Variants in ELL observed in about 807,000 individuals in gnomAD.
ELL encodes RNA polymerase II elongation factor ELL.
In ELL, 18 loss-of-function variants were observed where a neutral mutation model predicts 64.0. The observed-to-expected ratio is 0.28, with a 90% CI of 0.19 to 0.42. The LOEUF (loss-of-function observed/expected upper bound fraction) is 0.42, where lower values mean the gene tolerates loss of function less well. Ranked by LOEUF, ELL falls within the 10% of genes least tolerant of loss-of-function variation. The probability of loss-of-function intolerance (pLI) is 1.00; values close to 1 mark genes in which losing one functional copy is unlikely to be tolerated. For missense variants in ELL, 797 were observed against 870.4 expected (o/e 0.92, Z 1.06); for synonymous variants, 399 against 376.2 (o/e 1.06, Z -0.70).
At chr19:18,457,213 A>C (rs1305080680) in intron 6 of ELL, among the ~76,000 whole-genome samples, 2 of 152,112 alleles carry the variant, frequency 1.3e-5, no homozygotes, top group Non-Finnish European at 2.9e-5. Flanking sequence ...CATCCCGGGG[A>C]AGCTCCCCGA....
intron 1 of ELL, among the ~76,000 whole-genome samples, chr19:18,519,825 GAAA>G (rs1976220371): frequency 2.6e-5 from 2 of 77,564 alleles, no homozygotes; most frequent in Non-Finnish European, 4.7e-5. Flanking sequence ...AAAAAAAAAA[GAAA>G]GAAAGAAAGA....
chr19:18,474,847 G>T (rs532889956), intron 1 of ELL, among the ~76,000 whole-genome samples: 30 of 152,348 alleles, frequency 2.0e-4, no homozygotes, highest in African/African-American at 7.0e-4. Context: ...GGTTAAACAG[G>T]CCAGGTGGTT....
chr19:18,466,302 G>T (rs766223207), intron 2 of ELL, among the ~76,000 whole-genome samples: 2 of 152,198 alleles, frequency 1.3e-5, no homozygotes, highest in Non-Finnish European at 2.9e-5. Context: ...GGACAGACCT[G>T]GCCTGCGACA....
At chr19:18,476,151 G>A (rs1975170353) in intron 1 of ELL, among the ~76,000 whole-genome samples, 1 of 152,218 alleles carries the variant, frequency 6.6e-6, no homozygotes, top group South Asian at 2.1e-4. Flanking sequence ...TATTCTGGAG[G>A]AGGGAGCAGC....
chr19:18,455,873 C>T (rs947008289), intron 6 of ELL, among the ~76,000 whole-genome samples: 15 of 151,958 alleles, frequency 9.9e-5, no homozygotes, highest in Admixed American at 2.6e-4. Context: ...CTGAGGTGGG[C>T]GGATCACCTG....
chr19:18,454,354 C>G (rs1407722410), intron 6 of ELL, among the ~76,000 whole-genome samples: 1 of 152,060 alleles, frequency 6.6e-6, no homozygotes, highest in Admixed American at 6.6e-5. Flanking sequence ...AAAAAATTAG[C>G]CGGGCATGGT....
Position 18,521,947 on chromosome 19 carries a change from C to G in ELL, c.109G>C (p.Ala37Pro). The G allele has an allele frequency of 6.2e-7, 1 of 1,607,786 alleles. No individual in the cohort carries two copies. The highest frequency in any genetic ancestry group is 8.5e-7 in the Non-Finnish European group (1 of 1,177,174). Reference protein sequence around the residue: ...HVKLTDSALRAFESYRARQDS... With the variant: ...HVKLTDSALRPFESYRARQDS... ...TGTCTGGCGCGGTAGCTCTCGAAGG[C>G]CCTCAGGGCACTGTCGGTGAGCTTC... is the stretch of plus-strand genomic sequence containing the variant. Residue 37 changes from alanine to proline, a missense_variant, in exon 1 of 12, where the codon GCC becomes CCC. Transcript: ENST00000262809.
chr19:18,458,231 C>T lies in ELL; in HGVS notation c.843G>A (p.Gln281=), dbSNP rs778774419. The T allele has an allele frequency of 6.2e-7, 1 of 1,611,800 alleles. No individual in the cohort carries two copies. The highest frequency in any genetic ancestry group is 2.2e-5 in the East Asian group (1 of 44,888). Residue 281 remains glutamine (Q), a synonymous_variant, in exon 6 of 12, where the codon CAG becomes CAA. Coordinates refer to ENST00000262809, the MANE Select transcript of ELL (RefSeq NM_006532.4). ...GGACGAGCACCCGCTTCAGCAGCTG[C>T]TGGTCCCCCTCCGAGTAGCCAGGCC... ...KDWPGYSEGD[Q]QLLKRVLVRK...
chr19:18,465,580 A>C lies in ELL; in HGVS notation c.306-5T>G, dbSNP rs1459737728. 5 of 1,582,300 alleles carry C rather than the reference A, an allele frequency of 3.2e-6. No homozygotes were observed. The Admixed American group carries it at 6.8e-5, about 22-fold the overall frequency. On this transcript the variant is annotated splice_polypyrimidine_tract_variant and splice_region_variant and intron_variant, in intron 3 of 11. Coordinates refer to ENST00000262809, the MANE Select transcript of ELL (RefSeq NM_006532.4). Reference sequence around the variant, plus strand: ...TCCAGGTGAACTTCCCCATGACTGCAAGACAAGGCCAGGAGCTGGGGTCAG... The same window carrying C: ...TCCAGGTGAACTTCCCCATGACTGCCAGACAAGGCCAGGAGCTGGGGTCAG...
chr19:18,457,652 A>C (rs1429502785), intron 6 of ELL, among the ~76,000 whole-genome samples: 1 of 152,238 alleles, frequency 6.6e-6, no homozygotes, highest in East Asian at 1.9e-4. Flanking sequence ...GCAGTGGAGA[A>C]GGAAGTCATT....
chr19:18,446,638 C>T (rs1317187704), intron 9 of ELL, 110 bp downstream of exon 9: 3 of 1,506,690 alleles, frequency 2.0e-6, no homozygotes, highest in Non-Finnish European at 2.7e-6. Context: ...TTGGAATTCA[C>T]ATACTCAGAC....
At position 18,482,308 on chromosome 19, in the gene ELL, C is replaced by CTTTTTTTTTTTTTT. The variant is rs530594631; in HGVS notation, c.136-9440_136-9427dup. ...TAGTCCATGGCTTGTCTTTTCATTC[C>CTTTTTTTTTTTTTT]TTTTTTTTTTTTTTTTTTTTTTTTT... On this transcript the variant is annotated intron_variant, in intron 1 of 11. Transcript: ENST00000262809. 7.7e-5 allele frequency among the ~76,000 whole-genome samples: 6 copies of CTTTTTTTTTTTTTT among 77,578 alleles called. 1 individual carries two copies. Among genetic ancestry groups the CTTTTTTTTTTTTTT allele is most frequent in the African/African-American group, 2.0e-4 (3 of 15,312 alleles). 50.9% of individuals were successfully genotyped at this position (77,578 alleles called of 152,430 possible). A position where few individuals can be genotyped will look rare whatever the true frequency, so the allele number is the denominator to read the frequency against.
intron 1 of ELL, among the ~76,000 whole-genome samples, chr19:18,476,521 A>G (rs1600466067): frequency 2.8e-5 from 4 of 141,154 alleles, no homozygotes; most frequent in Non-Finnish European, 6.1e-5. Flanking sequence ...CCATCCAGTG[A>G]GGCATTTAAC....
intron 4 of ELL, 25 bp downstream of exon 4, chr19:18,465,387 C>A: frequency 6.4e-7 from 1 of 1,572,252 alleles, no homozygotes; most frequent in African/African-American, 1.3e-5. Flanking sequence ...GGCTGCCCTA[C>A]AGCCCTGCCA....
chr19:18,467,484 C>T (rs763719675), intron 2 of ELL, among the ~76,000 whole-genome samples: 2 of 151,988 alleles, frequency 1.3e-5, no homozygotes, highest in African/African-American at 2.4e-5. Context: ...CCATGCCAGG[C>T]CACACCTGAA....
intron 1 of ELL, among the ~76,000 whole-genome samples, chr19:18,520,649 G>C (rs973519975): frequency 1.3e-5 from 2 of 151,904 alleles, no homozygotes; most frequent in Non-Finnish European, 2.9e-5. Flanking sequence ...AGCTGAACAA[G>C]TTCGGGGCAG....
At chr19:18,468,009 AAC>A (rs1974986694) in intron 2 of ELL, among the ~76,000 whole-genome samples, 1 of 136,842 alleles carries the variant, frequency 7.3e-6, no homozygotes, top group Non-Finnish European at 1.6e-5. Flanking sequence ...ACACAAACAC[AAC>A]CCACACACAC....
At chr19:18,495,320 G>T (rs1975625703) in intron 1 of ELL, among the ~76,000 whole-genome samples, 1 of 152,138 alleles carries the variant, frequency 6.6e-6, no homozygotes, top group African/African-American at 2.4e-5. Flanking sequence ...GGAGGGCCTG[G>T]CCCCACGTGC....
chr19:18,508,820 A>C (rs1441724633), intron 1 of ELL, among the ~76,000 whole-genome samples: 3 of 152,206 alleles, frequency 2.0e-5, no homozygotes, highest in Admixed American at 2.0e-4. Flanking sequence ...CTTTATTTAC[A>C]AAGACAGGTG....
Sources: allele counts gnomAD v4.1 joint callset (sites outside exome capture counted in the v4.1 genomes callset), GRCh38; gene constraint gnomAD v4.1.1; transcripts MANE v1.5; gene names NCBI Gene and HGNC (gene_info 2026-07-23, HGNC 2026-07-21).